CDH4: variants seen among roughly 807,000 people sequenced by gnomAD.
CDH4 encodes cadherin 4.
Under a neutral mutation model 86.0 loss-of-function variants are expected in CDH4, and 33 were observed. That is an observed-to-expected ratio of 0.38 (90% CI 0.29 to 0.51). The LOEUF (loss-of-function observed/expected upper bound fraction) is 0.51. CDH4 is among the 20% of genes least tolerant of loss of function. CDH4 has a pLI of 0.86. For missense variants in CDH4, 1,114 were observed against 1,307.4 expected, an observed-to-expected ratio of 0.85 and a Z score of 2.28; for synonymous variants, 555 against 549.4, an observed-to-expected ratio of 1.01 and a Z score of -0.14.
chr20:61,611,350 G>A (rs1363978235), intron 2 of CDH4, among the ~76,000 whole-genome samples: 1 of 152,052 alleles, frequency 6.6e-6, no homozygotes, highest in African/African-American at 2.4e-5. Flanking sequence ...GCATAGAGAC[G>A]CTCCTAACAC....
chr20:61,298,509 C>T (rs6028094), intron 2 of CDH4, among the ~76,000 whole-genome samples: 20,117 of 152,012 alleles, frequency 0.13, 1,457 homozygotes, highest in African/African-American at 0.18. Context: ...CCGTCAGGTC[C>T]TCAGGAACAC....
chr20:61,646,800 A>G (rs2087066118), intron 2 of CDH4, among the ~76,000 whole-genome samples: 3 of 152,254 alleles, frequency 2.0e-5, no homozygotes, highest in African/African-American at 7.2e-5. Flanking sequence ...TATGAATTAA[A>G]TAACCACAGG....
chr20:61,331,724 A>AGGCCCACCTCCTGCCCCGGC (rs2084581170), intron 2 of CDH4, among the ~76,000 whole-genome samples: 2 of 2,150 alleles, frequency 9.3e-4, no homozygotes, highest in Non-Finnish European at 1.9e-3. Flanking sequence ...CGACCACCTG[A>AGGCCCACCTCCTGCCCCGGC]CAGAAATGAG....
intron 2 of CDH4, among the ~76,000 whole-genome samples, chr20:61,685,879 C>A (rs935829073): frequency 2.0e-5 from 3 of 152,220 alleles, no homozygotes; most frequent in African/African-American, 7.2e-5. Flanking sequence ...GCTGTGGGAT[C>A]CCCACTGGGT....
chr20:61,700,906 C>G (rs1276707483), intron 2 of CDH4, among the ~76,000 whole-genome samples: 5 of 152,210 alleles, frequency 3.3e-5, no homozygotes, highest in Non-Finnish European at 7.3e-5. Flanking sequence ...CGGCGGCTCC[C>G]CCCTTTTTTG....
chr20:61,333,385 G>A (rs888780360), intron 2 of CDH4, among the ~76,000 whole-genome samples: 1 of 152,182 alleles, frequency 6.6e-6, no homozygotes, highest in Non-Finnish European at 1.5e-5. Flanking sequence ...CATTGCAGGG[G>A]TGCGGGTTGT....
intron 2 of CDH4, among the ~76,000 whole-genome samples, chr20:61,383,457 ATG>A (rs1343663664): frequency 9.5e-5 from 1 of 10,472 alleles, no homozygotes; most frequent in Non-Finnish European, 1.5e-4. Flanking sequence ...ATTCATATAT[ATG>A]AAGATATATA....
chr20:61,687,944 C>T (rs2087605201), intron 2 of CDH4, among the ~76,000 whole-genome samples: 1 of 152,122 alleles, frequency 6.6e-6, no homozygotes, highest in African/African-American at 2.4e-5. Context: ...AAGTCACATT[C>T]CTTAAGCACA....
At chr20:61,815,498 G>C (rs750314342) in intron 4 of CDH4, among the ~76,000 whole-genome samples, 2 of 152,140 alleles carry the variant, frequency 1.3e-5, no homozygotes, top group Non-Finnish European at 2.9e-5. Flanking sequence ...GGGAGGCTCC[G>C]GGAGACAGGA....
Position 61,624,845 on chromosome 20 carries a change from G to T in CDH4, c.170-118718G>T, listed in dbSNP as rs78298644. Among the ~76,000 whole-genome samples, 413 of 152,294 alleles carry T rather than the reference G, an allele frequency of 2.7e-3. 2 individuals are homozygous for T. The highest frequency in any genetic ancestry group is 9.3e-3 in the African/African-American group (386 of 41,552). The stretch of plus-strand genomic sequence containing the variant: ...CTGGCATGGGGGATAGTACAGACCC[G>T]CTCGGAGAGCCCCTCACCGCCTGCC... On this transcript the variant is annotated intron_variant, in intron 2 of 15. Transcript: ENST00000614565.
intron 2 of CDH4, among the ~76,000 whole-genome samples, chr20:61,578,300 T>C (rs1209110815): frequency 2.0e-5 from 3 of 152,138 alleles, no homozygotes; most frequent in Non-Finnish European, 2.9e-5. Context: ...CACACTGCCA[T>C]TGAGAGTTAT....
intron 2 of CDH4, among the ~76,000 whole-genome samples, chr20:61,542,990 T>C (rs1290423428): frequency 6.6e-6 from 1 of 151,954 alleles, no homozygotes; most frequent in African/African-American, 2.4e-5. Flanking sequence ...AGGCCAGGAG[T>C]CTAAAAGCGG....
Position 61,937,078 on chromosome 20 carries a change from C to G in CDH4, c.*135C>G, listed in dbSNP as rs924694236. On this transcript the variant is annotated 3_prime_UTR_variant, in exon 16 of 16. Transcript: ENST00000614565. ...CTGTTAGGAGGCCCCCCAATCCCCA[C>G]GTTGAGCTGTCTAGCATGAGCACCC... The G allele has an allele frequency of 1.5e-6, 1 of 670,564 alleles. No individual in the cohort carries two copies. The highest frequency in any genetic ancestry group is 2.3e-6 in the Non-Finnish European group (1 of 431,570). 41.5% of individuals were successfully genotyped at this position (670,564 alleles called of 1,614,324 possible). A position where few individuals can be genotyped will look rare whatever the true frequency, so the allele number is the denominator to read the frequency against.
At chr20:61,359,587 C>T (rs1349454765) in intron 2 of CDH4, among the ~76,000 whole-genome samples, 5 of 152,224 alleles carry the variant, frequency 3.3e-5, no homozygotes, top group African/African-American at 1.2e-4. Context: ...CTCCGTGTCC[C>T]GGCCTGGCAA....
intron 2 of CDH4, among the ~76,000 whole-genome samples, chr20:61,334,659 T>C (rs552545906): frequency 6.6e-6 from 1 of 152,320 alleles, no homozygotes; most frequent in Non-Finnish European, 1.5e-5. Context: ...AGGTCCCGCC[T>C]CTTTGTGCCA....
intron 2 of CDH4, among the ~76,000 whole-genome samples, chr20:61,386,055 C>T (rs535009241): frequency 7.0e-4 from 106 of 152,274 alleles, no homozygotes; most frequent in Non-Finnish European, 1.2e-3. Flanking sequence ...ATGCAGCTGT[C>T]GGCCAGGAGC....
chr20:61,271,552 T>TTTGCATCCTACAAC (rs1229063736), intron 2 of CDH4, among the ~76,000 whole-genome samples: 1 of 152,204 alleles, frequency 6.6e-6, no homozygotes, highest in African/African-American at 2.4e-5. Context: ...AGGCCGTGGC[T>TTTGCATCCTACAAC]TTGCATCCTA....
rs537279749 is a variant in CDH4, at chr20:61,924,346, G to A, written c.1641G>A (p.Leu547=). The change falls in exon 11 of 16, where the codon CTG becomes CTA. Residue 547 remains leucine, a synonymous_variant. Transcript: ENST00000614565. ...FMQQAVRYSK[L]SDPASWLHIN... ...GTGGTCTCCGCAGATACTCAAAGCT[G>A]TCAGACCCAGCGAGCTGGCTGCACA... The A allele has an allele frequency of 3.6e-5, 58 of 1,612,638 alleles. No individual in the cohort carries two copies. The highest frequency in any genetic ancestry group is 4.8e-5 in the Non-Finnish European group (57 of 1,179,820).
chr20:61,379,193 A>G (rs962282754), intron 2 of CDH4, among the ~76,000 whole-genome samples: 1 of 152,116 alleles, frequency 6.6e-6, no homozygotes, highest in African/African-American at 2.4e-5. Flanking sequence ...GTGTGAAAAC[A>G]TAATCCATTC....
Sources: gnomAD v4.1 joint callset for allele counts (sites outside exome capture counted in the v4.1 genomes callset) on GRCh38, gnomAD v4.1.1 for gene constraint, MANE v1.5 for transcripts, NCBI Gene and HGNC (gene_info 2026-07-23, HGNC 2026-07-21) for gene names.